Variants in TMEM207 observed in about 807,000 individuals in gnomAD.
TMEM207 encodes the protein SRSR846.
In TMEM207, 15 loss-of-function variants were observed where a neutral mutation model predicts 17.4. The ratio of observed to expected loss-of-function variants is 0.86; its 90% confidence interval spans 0.58 to 1.33. TMEM207 has a LOEUF of 1.33. Ranked by LOEUF, TMEM207 falls within the 40% of genes most tolerant of loss-of-function variation. The probability of loss-of-function intolerance (pLI) is 0.00; values close to 1 mark genes in which losing one functional copy is unlikely to be tolerated. For synonymous variants in TMEM207, 70 were observed against 65.6 expected, an observed-to-expected ratio of 1.07 and a Z score of -0.33; for missense variants, 205 against 173.8, an observed-to-expected ratio of 1.18 and a Z score of -1.01.
intron 2 of TMEM207, among the ~76,000 whole-genome samples, chr3:190,447,116 A>C (rs1720068276): frequency 6.6e-6 from 1 of 152,046 alleles, no homozygotes; most frequent in South Asian, 2.1e-4. Flanking sequence ...TTTGAGTGTA[A>C]CAGGCAATGA....
At chr3:190,449,557 T>G (rs192444725) in intron 1 of TMEM207, among the ~76,000 whole-genome samples, 178 bp downstream of exon 1, 1 of 152,324 alleles carries the variant, frequency 6.6e-6, no homozygotes, top group East Asian at 1.9e-4. Context: ...CTTGGACATT[T>G]TGTTTTGTCC....
intron 2 of TMEM207, 39 bp downstream of exon 2, chr3:190,447,751 T>C (rs1054104632): frequency 3.1e-6 from 5 of 1,603,564 alleles, no homozygotes; most frequent in Non-Finnish European, 3.4e-6. Flanking sequence ...ATTTTTTAAA[T>C]GCGAAATAAA....
intron 2 of TMEM207, among the ~76,000 whole-genome samples, chr3:190,447,244 A>G (rs1720071189): frequency 6.6e-6 from 1 of 152,186 alleles, no homozygotes; most frequent in Admixed American, 6.5e-5. Flanking sequence ...CAGTATCATT[A>G]TTAATGGCAC....
chr3:190,446,045 T>G (rs1040264990), intron 2 of TMEM207, among the ~76,000 whole-genome samples: 1 of 152,224 alleles, frequency 6.6e-6, no homozygotes, highest in Non-Finnish European at 1.5e-5. Flanking sequence ...CCATTTTGCA[T>G]GTGAACTTTG....
intron 2 of TMEM207, among the ~76,000 whole-genome samples, chr3:190,444,856 A>G (rs150318732): frequency 5.3e-5 from 8 of 151,966 alleles, no homozygotes; most frequent in Middle Eastern, 3.4e-3. Flanking sequence ...AATTGCATGA[A>G]TTTTTTTTTA....
chr3:190,438,977 C>G (rs1719863601), intron 4 of TMEM207, among the ~76,000 whole-genome samples: 1 of 151,824 alleles, frequency 6.6e-6, no homozygotes, highest in South Asian at 2.1e-4. Context: ...ATCACGAGGT[C>G]AGGAGATCGA....
In TMEM207 at chr3:190,443,894, GAC is replaced by G. The variant is rs550657268; in HGVS notation, c.114-2414_114-2413del. The stretch of plus-strand genomic sequence containing the variant: ...AGAGCTGACTATAATGCGTAAGAAA[GAC>G]ATTTGGAATAAGAATTATCTAGAAT... On this transcript the variant is annotated intron_variant, in intron 2 of 4. Transcript: ENST00000354905. 2.8e-3 allele frequency among the ~76,000 whole-genome samples: 425 copies of G among 152,294 alleles called. 2 individuals are homozygous for G. Among genetic ancestry groups the G allele is most frequent in the Non-Finnish European group, 4.7e-3 (320 of 68,018 alleles).
intron 2 of TMEM207, among the ~76,000 whole-genome samples, chr3:190,443,176 T>C (rs1482040965): frequency 1.3e-5 from 2 of 151,780 alleles, no homozygotes; most frequent in African/African-American, 4.8e-5. Context: ...TTTTGTTTTG[T>C]TTTTCTTTTT....
At chr3:190,432,718 C>G (rs1269936700) in intron 4 of TMEM207, among the ~76,000 whole-genome samples, 1 of 152,146 alleles carries the variant, frequency 6.6e-6, no homozygotes, top group African/African-American at 2.4e-5. Context: ...CTCTGCAGCC[C>G]TCCTATTTCT....
intron 4 of TMEM207, among the ~76,000 whole-genome samples, chr3:190,437,408 C>A (rs974282874): frequency 2.6e-5 from 4 of 152,160 alleles, no homozygotes; most frequent in Non-Finnish European, 5.9e-5. Flanking sequence ...GAGAGAAGTA[C>A]ATAACATCCT....
chr3:190,438,991 C>CGTCCTGGCTA (rs1364558068), intron 4 of TMEM207, among the ~76,000 whole-genome samples: 1 of 151,490 alleles, frequency 6.6e-6, no homozygotes, highest in Non-Finnish European at 1.5e-5. Context: ...AGATCGAGAC[C>CGTCCTGGCTA]ACGGTGAAAC....
chr3:190,428,738 G>C lies in TMEM207; in HGVS notation c.*857C>G, dbSNP rs77060209. On this transcript the variant is annotated 3_prime_UTR_variant, in exon 5 of 5. Transcript: ENST00000354905. Reference sequence around the variant, plus strand: ...TATGTCATCTGTGATGGATGTTTTTGTCTGTCCCCCTGCTGATGGCCACTG... The same window carrying C: ...TATGTCATCTGTGATGGATGTTTTTCTCTGTCCCCCTGCTGATGGCCACTG... The C allele has an allele frequency of 2.6e-5, 4 of 152,248 alleles. No individual in the cohort carries two copies. Among genetic ancestry groups the C allele is most frequent in the African/African-American group, 9.6e-5 (4 of 41,562 alleles). 9.4% of individuals were successfully genotyped at this position (152,248 alleles called of 1,614,324 possible).
rs1276986143 is a variant in TMEM207, at chr3:190,441,306, T to C, written c.158+132A>G. ...ATTGGCCAACGATCTGAAAGTGATGTTTCTATATTCATTTGCATGACCCCT... is the reference window on the plus strand; with the variant it reads ...ATTGGCCAACGATCTGAAAGTGATGCTTCTATATTCATTTGCATGACCCCT... On this transcript the variant is annotated intron_variant, in intron 3 of 4. Coordinates refer to ENST00000354905, the MANE Select transcript of TMEM207 (RefSeq NM_207316.3). 3 of 688,980 alleles carry C rather than the reference T, an allele frequency of 4.4e-6. No homozygotes were observed. In the Admixed American group the frequency reaches 9.4e-5, roughly 22 times the overall value. The allele number at this position is 688,980 out of a possible 1,614,324, so 42.7% of individuals were successfully genotyped here. A position where few individuals can be genotyped will look rare whatever the true frequency, so the allele number is the denominator to read the frequency against.
chr3:190,434,408 TCTTC>T (rs1229431758), intron 4 of TMEM207, among the ~76,000 whole-genome samples: 1 of 152,180 alleles, frequency 6.6e-6, no homozygotes, highest in African/African-American at 2.4e-5. Flanking sequence ...CACTTTTGCA[TCTTC>T]CTTACTCTCT....
chr3:190,433,608 C>T (rs756354005), intron 4 of TMEM207, among the ~76,000 whole-genome samples: 1 of 152,050 alleles, frequency 6.6e-6, no homozygotes, highest in East Asian at 1.9e-4. Flanking sequence ...TTTTTCTCAA[C>T]CTTTACTAAA....
At chr3:190,446,278 ATAGT>A (rs964630046) in intron 2 of TMEM207, among the ~76,000 whole-genome samples, 23 of 152,340 alleles carry the variant, frequency 1.5e-4, no homozygotes, top group African/African-American at 5.3e-4. Flanking sequence ...TTGTATAAAT[ATAGT>A]TAGAGAAAGA....
Position 190,440,291 on chromosome 3 carries a change from C to T in TMEM207, c.257G>A (p.Arg86Lys). 1 of 1,614,066 alleles carries T rather than the reference C, an allele frequency of 6.2e-7. No individual in the cohort carries two copies. The highest frequency in any genetic ancestry group is 8.5e-7 in the Non-Finnish European group (1 of 1,180,002). The part of the protein sequence containing the change: ...WLRRPRIDSH[R>K]RTMAVFAVGD... ...AACAGCAAAAACTGCCATGGTGCGC[C>T]TGTGAGAATCAATTCGGGGTCTCCT... is the stretch of plus-strand genomic sequence containing the variant. Residue 86 changes from arginine to lysine, a missense_variant, in exon 4 of 5, where the codon AGG becomes AAG. Transcript: ENST00000354905.
chr3:190,446,843 G>A (rs1031835702), intron 2 of TMEM207, among the ~76,000 whole-genome samples: 1 of 152,116 alleles, frequency 6.6e-6, no homozygotes, highest in Non-Finnish European at 1.5e-5. Context: ...ATAAGATAAG[G>A]GCAGCCAGGA....
At chr3:190,433,107 G>A (rs2108531936) in intron 4 of TMEM207, among the ~76,000 whole-genome samples, 1 of 152,272 alleles carries the variant, frequency 6.6e-6, no homozygotes, top group African/African-American at 2.4e-5. Flanking sequence ...ACAAACAATT[G>A]TGGGGGTCCC....
Sources: allele counts gnomAD v4.1 joint callset (sites outside exome capture counted in the v4.1 genomes callset), GRCh38; gene constraint gnomAD v4.1.1; transcripts MANE v1.5; gene names NCBI Gene and HGNC (gene_info 2026-07-23, HGNC 2026-07-21).